The following CDH8 variants were observed in gnomAD, a reference collection of about 807,000 sequenced individuals.
The protein encoded by CDH8 is cadherin-8.
A neutral mutation model predicts 68.1 loss-of-function variants in CDH8; 17 were observed. The observed-to-expected ratio is 0.25, with a 90% CI of 0.17 to 0.37. CDH8 has a LOEUF of 0.37. Among genes scored for constraint, CDH8 ranks in the 10% least tolerant of loss-of-function variants. CDH8 has a pLI of 1.00. For missense variants in CDH8, 763 were observed against 999.3 expected (o/e 0.76, Z 3.19); for synonymous variants, 372 against 365.1 (o/e 1.02, Z -0.21).
In CDH8 at chr16:61,915,147, G is replaced by A. The variant is rs538683666; in HGVS notation, c.253-13674C>T. ...AGAAGGGGTACTAAATTACTTTTTC[G>A]ATGTTTTCTAGCTCAAATAGCCTGT... is the stretch of plus-strand genomic sequence containing the variant. On this transcript the variant is annotated intron_variant, in intron 2 of 11. Transcript: ENST00000577390. Among the ~76,000 whole-genome samples the A allele has an allele frequency of 2.6e-4, 40 of 151,952 alleles. 1 individual carries two copies. Among genetic ancestry groups the A allele is most frequent in the African/African-American group, 9.4e-4 (39 of 41,424 alleles).
intron 10 of CDH8, chr16:61,710,899 T>G (rs1218539130): frequency 6.6e-6 from 1 of 152,020 alleles, no homozygotes; most frequent in Non-Finnish European, 1.5e-5. Flanking sequence ...TTTCCATGGT[T>G]AAAATTGAGG....
intron 3 of CDH8, among the ~76,000 whole-genome samples, chr16:61,894,191 A>C (rs1963830232): frequency 6.6e-6 from 1 of 152,226 alleles, no homozygotes; most frequent in Non-Finnish European, 1.5e-5. Flanking sequence ...GTAAGGCATT[A>C]TCTGTGATAG....
At chr16:61,748,321 A>C (rs1031477539) in intron 8 of CDH8, among the ~76,000 whole-genome samples, 1 of 152,058 alleles carries the variant, frequency 6.6e-6, no homozygotes, top group Non-Finnish European at 1.5e-5. Context: ...CCTATGGAGA[A>C]AGTGGCATGA....
At chr16:62,031,592 C>A (rs1902326793) in intron 1 of CDH8, among the ~76,000 whole-genome samples, 1 of 151,978 alleles carries the variant, frequency 6.6e-6, no homozygotes, top group African/African-American at 2.4e-5. Flanking sequence ...AAATGGTATT[C>A]ATTTATGATA....
Position 61,659,417 on chromosome 16 carries a change from G to A in CDH8, c.1655-3696C>T, listed in dbSNP as rs77090770. 3.0e-4 allele frequency among the ~76,000 whole-genome samples: 46 copies of A among 152,276 alleles called. No homozygotes were observed. The East Asian group carries it at 8.1e-3, about 27-fold the overall frequency. ...GGGGTCCCTCTCCCTGCAGCGAGCA[G>A]TTGGAGGACGATTTTCTGGGGGAAA... On this transcript the variant is annotated intron_variant, in intron 10 of 11. Transcript: ENST00000577390.
At chr16:61,701,136 A>C (rs1353438018) in intron 10 of CDH8, among the ~76,000 whole-genome samples, 1 of 152,218 alleles carries the variant, frequency 6.6e-6, no homozygotes, top group Non-Finnish European at 1.5e-5. Context: ...TTGTGATTTC[A>C]GGCCACTGGG....
chr16:61,864,210 C>T (rs1384147146), intron 3 of CDH8, among the ~76,000 whole-genome samples: 8 of 152,056 alleles, frequency 5.3e-5, no homozygotes, highest in Admixed American at 5.2e-4. Context: ...TGGAAAAATG[C>T]TCTGGGATAC....
chr16:62,015,360 T>G (rs977077284), intron 2 of CDH8, among the ~76,000 whole-genome samples: 1 of 152,102 alleles, frequency 6.6e-6, no homozygotes, highest in African/African-American at 2.4e-5. Flanking sequence ...CCCAAGCATT[T>G]TAGAAAAAGG....
intron 8 of CDH8, among the ~76,000 whole-genome samples, chr16:61,751,419 T>C (rs1338932918): frequency 7.9e-6 from 1 of 126,596 alleles, no homozygotes; most frequent in Non-Finnish European, 1.7e-5. Flanking sequence ...AAACAAGCAG[T>C]TTAACGTATT....
intron 2 of CDH8, among the ~76,000 whole-genome samples, chr16:61,912,622 C>A (rs1317396086): frequency 6.6e-6 from 1 of 152,046 alleles, no homozygotes; most frequent in Admixed American, 6.6e-5. Context: ...TAAAGAAATT[C>A]TCAAACATCC....
intron 7 of CDH8, among the ~76,000 whole-genome samples, chr16:61,808,439 C>T (rs1165126562): frequency 6.6e-6 from 1 of 152,110 alleles, no homozygotes; most frequent in African/African-American, 2.4e-5. Flanking sequence ...TCAGGGTACC[C>T]ACTGCATCCT....
intron 8 of CDH8, among the ~76,000 whole-genome samples, chr16:61,727,940 C>T (rs569595090): frequency 6.6e-6 from 1 of 151,192 alleles, no homozygotes; most frequent in Non-Finnish European, 1.5e-5. Flanking sequence ...TGTATGCACA[C>T]ATACACACAG....
intron 8 of CDH8, among the ~76,000 whole-genome samples, chr16:61,788,032 T>G (rs1009785381): frequency 6.6e-6 from 1 of 150,644 alleles, no homozygotes; most frequent in Non-Finnish European, 1.5e-5. Context: ...GGCACATGTA[T>G]ACATATGTAA....
rs955281594 is a variant in CDH8, at chr16:61,902,459, T to G, written c.253-986A>C. The stretch of plus-strand genomic sequence containing the variant: ...AAACAATAATATATGTATTTGGGGG[T>G]TTGAATTTTTAAAAGAAAAGCCCAT... On this transcript the variant is annotated intron_variant, in intron 2 of 11. Transcript: ENST00000577390. Among the ~76,000 whole-genome samples the G allele has an allele frequency of 1.6e-4, 25 of 151,592 alleles. No homozygotes were observed. The East Asian group carries it at 3.9e-3, about 23-fold the overall frequency.
Position 61,763,623 on chromosome 16 carries a change from A to G in CDH8, c.1414+25723T>C, listed in dbSNP as rs150289045. On this transcript the variant is annotated intron_variant, in intron 8 of 11. Coordinates refer to ENST00000577390, the MANE Select transcript of CDH8 (RefSeq NM_001796.5). ...CTGTAGAAGTGTGCAGGCAGAATCA[A>G]GCGTTACCTGGTTGCACAGTTGACA... 1.6e-4 allele frequency among the ~76,000 whole-genome samples: 24 copies of G among 152,282 alleles called. No homozygotes were observed. In the East Asian group the frequency reaches 4.1e-3, roughly 26 times the overall value.
intron 8 of CDH8, among the ~76,000 whole-genome samples, chr16:61,779,765 C>A (rs1286292408): frequency 6.6e-6 from 1 of 152,134 alleles, no homozygotes; most frequent in Non-Finnish European, 1.5e-5. Context: ...TTCTTACTCT[C>A]CATAATAAAA....
At chr16:61,688,868 G>A (rs938984288) in intron 10 of CDH8, among the ~76,000 whole-genome samples, 3 of 151,982 alleles carry the variant, frequency 2.0e-5, no homozygotes, top group African/African-American at 7.2e-5. Flanking sequence ...AAATCTCGAA[G>A]TCATTGTATG....
rs114656317 is a variant in CDH8 at position 61,699,137 on chromosome 16, T to C, written c.1654+14704A>G. On this transcript the variant is annotated intron_variant, in intron 10 of 11. Coordinates refer to ENST00000577390, the MANE Select transcript of CDH8 (RefSeq NM_001796.5). ...TTCACCTGAATTATGGTACTAAAAA[T>C]CTCTGCTACTTTCCTCCTGTTCTGT... Among the ~76,000 whole-genome samples, 380 of 152,274 alleles carry C rather than the reference T, an allele frequency of 2.5e-3. 1 individual carries two copies. Among genetic ancestry groups the C allele is most frequent in the Non-Finnish European group, 3.7e-3 (249 of 68,014 alleles).
At chr16:61,800,536 T>C (rs2039168624) in intron 7 of CDH8, among the ~76,000 whole-genome samples, 2 of 152,210 alleles carry the variant, frequency 1.3e-5, no homozygotes, top group African/African-American at 2.4e-5. Context: ...ATATTTTCCA[T>C]GACTTCGACC....
Sources: allele counts gnomAD v4.1 joint callset (sites outside exome capture counted in the v4.1 genomes callset), GRCh38; gene constraint gnomAD v4.1.1; transcripts MANE v1.5; gene names NCBI Gene and HGNC (gene_info 2026-07-23, HGNC 2026-07-21).